CAMTA1: variants seen among roughly 807,000 people sequenced by gnomAD.
The protein encoded by CAMTA1 is calmodulin-binding transcription activator 1.
A neutral mutation model predicts 170.9 loss-of-function variants in CAMTA1; 27 were observed. That is an observed-to-expected ratio of 0.16 (90% CI 0.12 to 0.22). The LOEUF is 0.22. Among genes scored for constraint, CAMTA1 ranks in the 10% least tolerant of loss-of-function variants. CAMTA1 has a pLI of 1.00. For missense variants in CAMTA1, 1,619 were observed against 2,217.2 expected (o/e 0.73, Z 5.42); for synonymous variants, 833 against 891.5 (o/e 0.93, Z 1.17).
intron 5 of CAMTA1, among the ~76,000 whole-genome samples, chr1:7,269,431 A>G (rs1013533086): frequency 2.6e-5 from 4 of 152,232 alleles, no homozygotes; most frequent in African/African-American, 7.2e-5. Context: ...TTGTAACCTT[A>G]TTACAGAAGT....
At chr1:7,373,196 C>A (rs1438622884) in intron 5 of CAMTA1, among the ~76,000 whole-genome samples, 2 of 152,218 alleles carry the variant, frequency 1.3e-5, no homozygotes, top group Admixed American at 1.3e-4. Flanking sequence ...CAGCAGCATC[C>A]TTGGCCTCCA....
chr1:6,815,703 T>C (rs760998069), intron 1 of CAMTA1, among the ~76,000 whole-genome samples: 11 of 152,230 alleles, frequency 7.2e-5, no homozygotes, highest in Non-Finnish European at 1.5e-4. Context: ...TTATAGATCA[T>C]TTATCTAATT....
rs1390931344 is a variant in CAMTA1 at position 7,766,577 on chromosome 1, ACACACACG to A, written c.*102_*109del. On this transcript the variant is annotated 3_prime_UTR_variant, in exon 23 of 23. Coordinates refer to ENST00000303635, the MANE Select transcript of CAMTA1 (RefSeq NM_015215.4). ...TTTTTAGCAGAGACATGCAACAACAACACACACGCACACACGCACACACACACACGTAC... is the reference window on the plus strand; with the variant it reads ...TTTTTAGCAGAGACATGCAACAACAACACACACGCACACACACACACGTAC... 86 of 1,100,640 alleles carry A rather than the reference ACACACACG, an allele frequency of 7.8e-5. No homozygotes were observed. Among genetic ancestry groups the A allele is most frequent in the South Asian group, 2.2e-4 (18 of 80,126 alleles). The allele number at this position is 1,100,640 out of a possible 1,614,324, so 68.2% of individuals were successfully genotyped here. A position where few individuals can be genotyped will look rare whatever the true frequency, so the allele number is the denominator to read the frequency against.
At position 7,671,148 on chromosome 1, in the gene CAMTA1, C is replaced by T. The variant is rs79121439; in HGVS notation, c.2779+111C>T. 674 of 1,172,486 alleles carry T rather than the reference C, an allele frequency of 5.7e-4. 2 individuals carry two copies. The African/African-American group carries it at 9.6e-3, about 17-fold the overall frequency. The allele number at this position is 1,172,486 out of a possible 1,614,324, so 72.6% of individuals were successfully genotyped here. On this transcript the variant is annotated intron_variant, in intron 10 of 22. Coordinates refer to ENST00000303635, the MANE Select transcript of CAMTA1 (RefSeq NM_015215.4). Reference sequence around the variant, plus strand: ...AGCAGGTCATGTCCTTACTCTAGGCCTCAGTTTCCTCGGCTGTGAAGAAGC... The same window carrying T: ...AGCAGGTCATGTCCTTACTCTAGGCTTCAGTTTCCTCGGCTGTGAAGAAGC...
intron 6 of CAMTA1, among the ~76,000 whole-genome samples, chr1:7,506,577 A>G (rs141595139): frequency 0.012 from 1,785 of 152,174 alleles, 43 homozygotes; most frequent in African/African-American, 0.041. Context: ...CAAAATTCAC[A>G]CGCACACTCA....
intron 4 of CAMTA1, among the ~76,000 whole-genome samples, chr1:7,167,852 G>A (rs1186813958): frequency 1.3e-5 from 2 of 152,018 alleles, no homozygotes; most frequent in South Asian, 2.1e-4. Context: ...AGCCTCAAGT[G>A]ATCCTCCCAC....
chr1:6,848,002 C>T (rs1180174327), intron 3 of CAMTA1, among the ~76,000 whole-genome samples: 1 of 151,876 alleles, frequency 6.6e-6, no homozygotes, highest in East Asian at 1.9e-4. Context: ...TGAGCCTCCG[C>T]GCCTGGCCTA....
chr1:7,162,953 T>A (rs1330534688), intron 4 of CAMTA1, among the ~76,000 whole-genome samples: 1 of 152,086 alleles, frequency 6.6e-6, no homozygotes, highest in Non-Finnish European at 1.5e-5. Flanking sequence ...GTTTTGGCAG[T>A]TCCAGATCTC....
At chr1:6,871,807 C>G in intron 3 of CAMTA1, 1 of 1,531,550 alleles carries the variant, frequency 6.5e-7, no homozygotes, top group Non-Finnish European at 8.7e-7. Flanking sequence ...ATGTGTGACC[C>G]TTCACCTTTG....
chr1:6,904,319 CT>C (rs1184436594), intron 3 of CAMTA1, among the ~76,000 whole-genome samples: 1 of 152,196 alleles, frequency 6.6e-6, no homozygotes, highest in African/African-American at 2.4e-5. Flanking sequence ...AGACCTGTCT[CT>C]CCCTCAGCCC....
At chr1:7,749,734 G>A in intron 19 of CAMTA1, 1 of 452,334 alleles carries the variant, frequency 2.2e-6, no homozygotes, top group Non-Finnish European at 4.4e-6. Flanking sequence ...ATTCAGCAAT[G>A]TAACATTAAT....
chr1:7,008,225 G>T (rs898077019), intron 3 of CAMTA1, among the ~76,000 whole-genome samples: 1 of 152,162 alleles, frequency 6.6e-6, no homozygotes, highest in Non-Finnish European at 1.5e-5. Flanking sequence ...GTAAGCACGG[G>T]TACACAATGC....
intron 16 of CAMTA1, 131 bp from the exon 17 acceptor site, chr1:7,744,704 A>G (rs2096844791): frequency 2.9e-6 from 2 of 684,946 alleles, no homozygotes; most frequent in Admixed American, 2.9e-5. Context: ...ATTTCATTGC[A>G]TTGGATTGAG....
At chr1:7,700,184 C>G (rs2096423566) in intron 11 of CAMTA1, among the ~76,000 whole-genome samples, 1 of 151,828 alleles carries the variant, frequency 6.6e-6, no homozygotes, top group Non-Finnish European at 1.5e-5. Context: ...CTTTGATCCA[C>G]TTTGAGTTAC....
chr1:7,190,051 A>G (rs980785300), intron 4 of CAMTA1, among the ~76,000 whole-genome samples: 1 of 152,202 alleles, frequency 6.6e-6, no homozygotes, highest in Non-Finnish European at 1.5e-5. Context: ...CAAACATCGT[A>G]TGTTCTCACT....
intron 6 of CAMTA1, among the ~76,000 whole-genome samples, chr1:7,612,991 T>C (rs920011348): frequency 2.0e-5 from 3 of 152,204 alleles, no homozygotes; most frequent in Non-Finnish European, 2.9e-5. Flanking sequence ...GTGTTCTTCA[T>C]GAACCTTTCC....
In CAMTA1 at chr1:7,471,331, C is replaced by A. The variant is rs575323938; in HGVS notation, c.510+3430C>A. ...GGCAGGGCACTAGAGCCCATGTGGC[C>A]CATAGGCTCATAAAGCCATTGGCAT... On this transcript the variant is annotated intron_variant, in intron 6 of 22. Transcript: ENST00000303635. Among the ~76,000 whole-genome samples, 274 of 152,346 alleles carry A rather than the reference C, an allele frequency of 1.8e-3. 1 individual carries two copies. The highest frequency in any genetic ancestry group is 3.0e-3 in the Non-Finnish European group (206 of 68,034).
chr1:7,515,839 G>C (rs547964722), intron 6 of CAMTA1, among the ~76,000 whole-genome samples: 1 of 152,206 alleles, frequency 6.6e-6, no homozygotes, highest in Non-Finnish European at 1.5e-5. Flanking sequence ...ACCCATGGGC[G>C]CAGCAGGTCG....
intron 5 of CAMTA1, among the ~76,000 whole-genome samples, chr1:7,392,480 C>A (rs1486204796): frequency 6.6e-6 from 1 of 151,568 alleles, no homozygotes; most frequent in African/African-American, 2.4e-5. Flanking sequence ...GTCCCGAACT[C>A]CCAACCTCAG....
Sources: gnomAD v4.1 joint callset for allele counts (sites outside exome capture counted in the v4.1 genomes callset) on GRCh38, gnomAD v4.1.1 for gene constraint, MANE v1.5 for transcripts, NCBI Gene and HGNC (gene_info 2026-07-23, HGNC 2026-07-21) for gene names.